The following MFSD11 variants were observed in gnomAD, a reference collection of about 807,000 sequenced individuals.
The protein encoded by MFSD11 is major facilitator superfamily domain containing 11, also known as UNC93-like protein MFSD11.
MFSD11 carries 36 observed loss-of-function variants against 53.5 expected under a neutral mutation model. The observed-to-expected ratio is 0.67, with a 90% CI of 0.52 to 0.89. MFSD11 has a LOEUF of 0.89. Among genes scored for constraint, MFSD11 ranks in the 40% least tolerant of loss-of-function variants. MFSD11 has a pLI of 0.00. For missense variants in MFSD11, 530 were observed against 543.9 expected (o/e 0.97, Z 0.25); for synonymous variants, 186 against 184.9 (o/e 1.01, Z -0.05).
At position 76,769,890 on chromosome 17, in the gene MFSD11, C is replaced by T. The variant is rs1455916996; in HGVS notation, c.874+19C>T. ...ATTTTAGGTTGGTTTTAAAAAAAAGCGTTTGCATTAAAAATATCAGTTTAT... is the reference window on the plus strand; with the variant it reads ...ATTTTAGGTTGGTTTTAAAAAAAAGTGTTTGCATTAAAAATATCAGTTTAT... On this transcript the variant is annotated intron_variant, in intron 10 of 12. Transcript: ENST00000685175. 8 of 1,600,208 alleles carry T rather than the reference C, an allele frequency of 5.0e-6. No individual in the cohort carries two copies. Among genetic ancestry groups the T allele is most frequent in the Admixed American group, 1.8e-5 (1 of 56,332 alleles).
At chr17:76,795,092 GT>G in the MFSD11 span, among the ~76,000 whole-genome samples, 6 of 152,170 alleles carry the variant, frequency 3.9e-5, no homozygotes, top group African/African-American at 1.4e-4. Flanking sequence ...AATTGTATCT[GT>G]ACTGAACATG....
downstream of MFSD11, among the ~76,000 whole-genome samples, chr17:76,782,474 C>CA (rs1555680928): frequency 2.4e-4 from 18 of 76,204 alleles, no homozygotes; most frequent in South Asian, 6.3e-4. Flanking sequence ...CGCGCCCAGG[C>CA]TTTTTTTTTT....
upstream of MFSD11, chr17:76,736,754 C>T (rs763059673): frequency 1.8e-3 from 2,455 of 1,397,538 alleles, 11 homozygotes; most frequent in Non-Finnish European, 1.6e-3. Flanking sequence ...CCGGGCCTCC[C>T]GCGCGCCCCG....
At position 76,744,466 on chromosome 17, in the gene MFSD11, A is replaced by G. The variant is rs750272053; in HGVS notation, c.641A>G (p.Glu214Gly). ...GATGACCAGGACATGGAAGTCAACG[A>G]GTAAGATGTTGGAAACATTCTATTT... is the stretch of plus-strand genomic sequence containing the variant. ...SSDDQDMEVN[E>G]SAQNNLTKAV... The change falls in exon 7 of 13, where the codon GAG (glutamate) becomes GGG (glycine). Residue 214 changes from glutamate (E) to glycine (G), a missense_variant and splice_region_variant. Glu to Gly is a moderately conservative substitution (Grantham distance 98). Coordinates refer to ENST00000685175, the MANE Select transcript of MFSD11 (RefSeq NM_001242532.5). The G allele has an allele frequency of 6.2e-6, 10 of 1,605,954 alleles. No individual in the cohort carries two copies. The highest frequency in any genetic ancestry group is 3.3e-4 in the Middle Eastern group (2 of 5,996).
At chr17:76,744,211 TAAA>T in intron 6 of MFSD11, 108 bp from the exon 7 acceptor site, 1 of 1,058,476 alleles carries the variant, frequency 9.4e-7, no homozygotes. Flanking sequence ...TGCATTAAAG[TAAA>T]AATGTAACGA....
rs1183320106 is a variant in MFSD11, at chr17:76,776,726, C to T, written c.1185+185C>T. 3.3e-5 allele frequency among the ~76,000 whole-genome samples: 5 copies of T among 152,054 alleles called. No homozygotes were observed. Among genetic ancestry groups the T allele is most frequent in the African/African-American group, 4.8e-5 (2 of 41,406 alleles). On this transcript the variant is annotated intron_variant, in intron 12 of 12. Transcript: ENST00000685175. The surrounding 1 kb of genome is among the most constrained non-coding windows in gnomAD (Gnocchi z 4.2). ...CGCAATCTTGACTCGCTGCAACCTC[C>T]GCCTCCCGGGTTCAAGCAATTCTCC...
At chr17:76,793,437 G>C in the MFSD11 span, among the ~76,000 whole-genome samples, 3 of 151,488 alleles carry the variant, frequency 2.0e-5, no homozygotes, top group South Asian at 6.2e-4. Context: ...AGCGGTCAGA[G>C]TTTAAGGTTA....
At position 76,769,973 on chromosome 17, in the gene MFSD11, T is replaced by C. The variant is rs886254412; in HGVS notation, c.874+102T>C. The C allele has an allele frequency of 8.2e-6, 9 of 1,099,426 alleles. No homozygotes were observed. In the Admixed American group the frequency reaches 2.2e-4, roughly 27 times the overall value. 68.1% of individuals were successfully genotyped at this position (1,099,426 alleles called of 1,614,324 possible). On this transcript the variant is annotated intron_variant, in intron 10 of 12. Transcript: ENST00000685175. ...ACCTTTGTCCTTGAATTTCTGTTTT[T>C]TCTACTTATTTTTACCCAAACGTGT...
chr17:76,782,036 G>A (rs1206525962), downstream of MFSD11, among the ~76,000 whole-genome samples: 1 of 146,078 alleles, frequency 6.8e-6, no homozygotes, highest in Non-Finnish European at 1.5e-5. Context: ...GCCCAGGCTA[G>A]CCTTGAACTC....
downstream of MFSD11, among the ~76,000 whole-genome samples, chr17:76,780,550 C>T (rs1349179286): frequency 6.7e-6 from 1 of 149,758 alleles, no homozygotes; most frequent in Non-Finnish European, 1.5e-5. Context: ...GCGTCTCACT[C>T]TGTTGCCCAG....
chr17:76,784,290 C>T (rs932709952), downstream of MFSD11, among the ~76,000 whole-genome samples: 1 of 152,110 alleles, frequency 6.6e-6, no homozygotes, highest in African/African-American at 2.4e-5. Flanking sequence ...AATCCCAGCA[C>T]TTTGGGAGGC....
Position 76,738,462 on chromosome 17 carries a change from T to C in MFSD11, c.96+14T>C. On this transcript the variant is annotated intron_variant, in intron 1 of 12. Coordinates refer to ENST00000685175, the MANE Select transcript of MFSD11 (RefSeq NM_001242532.5). ...GGAAATGTGGCGGTGAGTTGGAATC[T>C]GTCCTCCCTCCTTTGAAGTGCCCAT... The C allele has an allele frequency of 6.3e-7, 1 of 1,592,528 alleles. No individual in the cohort carries two copies. Among genetic ancestry groups the C allele is most frequent in the South Asian group, 1.1e-5 (1 of 90,582 alleles).
chr17:76,754,199 T>C, intron 8 of MFSD11, 112 bp downstream of exon 8: 1 of 768,914 alleles, frequency 1.3e-6, no homozygotes, highest in South Asian at 1.5e-5. Context: ...GTTTGCATTT[T>C]TCCAGGTATG....
chr17:76,741,096 A>C (rs2078041393), intron 3 of MFSD11, 32 bp downstream of exon 3: 1 of 1,230,086 alleles, frequency 8.1e-7, no homozygotes, highest in Non-Finnish European at 1.2e-6. Flanking sequence ...TTATTTAATC[A>C]GAACACTTGT....
At chr17:76,792,379 A>G in the MFSD11 span, among the ~76,000 whole-genome samples, 1 of 151,082 alleles carries the variant, frequency 6.6e-6, no homozygotes, top group Non-Finnish European at 1.5e-5. Context: ...TCAGCCTCCC[A>G]AAGTGTTAGG....
At chr17:76,748,342 C>T (rs890152288) in intron 7 of MFSD11, among the ~76,000 whole-genome samples, 1 of 152,052 alleles carries the variant, frequency 6.6e-6, no homozygotes, top group Non-Finnish European at 1.5e-5. Context: ...TTAAAGGTTC[C>T]CACCTAAAGG....
chr17:76,764,093 G>T (rs953987073), intron 8 of MFSD11, among the ~76,000 whole-genome samples: 1 of 151,814 alleles, frequency 6.6e-6, no homozygotes, highest in African/African-American at 2.4e-5. Context: ...TTGAACTCTG[G>T]GCCTCAAGCA....
intron 5 of MFSD11, 136 bp from the exon 6 acceptor site, chr17:76,743,262 A>T: frequency 1.7e-6 from 1 of 577,852 alleles, no homozygotes. Flanking sequence ...TAAATGACCC[A>T]GGACAGGTAG....
intron 7 of MFSD11, 85 bp from the exon 8 acceptor site, chr17:76,753,962 A>T: frequency 2.5e-6 from 3 of 1,179,810 alleles, no homozygotes; most frequent in Non-Finnish European, 3.6e-6. Context: ...CAGGGTTTTT[A>T]CGAACGTAAA....
Sources: gnomAD v4.1 joint callset for allele counts (sites outside exome capture counted in the v4.1 genomes callset) on GRCh38, gnomAD v4.1.1 for gene constraint, Gnocchi (gnomAD v3.1) non-coding constraint, MANE v1.5 for transcripts, NCBI Gene and HGNC (gene_info 2026-07-23, HGNC 2026-07-21) for gene names.